Variants in WBP1L observed in about 807,000 individuals in gnomAD.
WBP1L encodes WW domain binding protein 1-like.
WBP1L carries 17 observed loss-of-function variants against 33.7 expected under a neutral mutation model. That is an observed-to-expected ratio of 0.50 (90% confidence interval 0.34 to 0.76). The LOEUF is 0.76. Among genes scored for constraint, WBP1L ranks in the 30% least tolerant of loss-of-function variants. The probability of loss-of-function intolerance (pLI) is 0.01; values close to 1 mark genes in which losing one functional copy is unlikely to be tolerated. For synonymous variants in WBP1L, 173 were observed against 190.8 expected (o/e 0.91, Z 0.77); for missense variants, 389 against 469.4 (o/e 0.83, Z 1.58).
rs185911253 is a variant in WBP1L at position 102,772,544 on chromosome 10, A to G, written c.91-25449A>G. Among the ~76,000 whole-genome samples, 369 of 129,340 alleles carry G rather than the reference A, an allele frequency of 2.9e-3. 7 individuals are homozygous for G. The highest frequency in any genetic ancestry group is 0.01 in the African/African-American group (354 of 34,014). The allele number at this position is 129,340 out of a possible 152,430, so 84.9% of individuals were successfully genotyped here. A position where few individuals can be genotyped will look rare whatever the true frequency, so the allele number is the denominator to read the frequency against. ...CCAAAGTGCTGGGATTACAAGCATG[A>G]GCCATGCCCGGCCCTTTTTTTTTTT... is the stretch of plus-strand genomic sequence containing the variant. On this transcript the variant is annotated intron_variant, in intron 1 of 3. Transcript: ENST00000448841.
chr10:102,767,405 C>G (rs1174803030), intron 1 of WBP1L, among the ~76,000 whole-genome samples: 1 of 152,100 alleles, frequency 6.6e-6, no homozygotes, highest in African/African-American at 2.4e-5. Flanking sequence ...GCCTGTAGTC[C>G]CAGTTACTCA....
At chr10:102,781,969 G>A (rs933852433) in intron 1 of WBP1L, among the ~76,000 whole-genome samples, 2 of 152,066 alleles carry the variant, frequency 1.3e-5, no homozygotes, top group Admixed American at 6.5e-5. Context: ...TGCCTCCCAG[G>A]TTCAAGGAAT....
At chr10:102,788,025 G>C (rs1008147481) in intron 1 of WBP1L, among the ~76,000 whole-genome samples, 1 of 150,200 alleles carries the variant, frequency 6.7e-6, no homozygotes, top group Non-Finnish European at 1.5e-5. Flanking sequence ...GTTGCAGTGA[G>C]CCGAGATCGT....
In WBP1L at chr10:102,792,288, C is replaced by T. The variant is rs540419757; in HGVS notation, c.91-5705C>T. On this transcript the variant is annotated intron_variant, in intron 1 of 3. Coordinates refer to ENST00000448841, the MANE Select transcript of WBP1L (RefSeq NM_001083913.2). The stretch of plus-strand genomic sequence containing the variant: ...CCACGGTCATTCCCGAGGTGAAAGG[C>T]CTCGCGTAAGCGCATTCATTATGCA... Among the ~76,000 whole-genome samples, 75 of 152,338 alleles carry T rather than the reference C, an allele frequency of 4.9e-4. No homozygotes were observed. The Middle Eastern group carries it at 0.014, about 28-fold the overall frequency.
intron 1 of WBP1L, among the ~76,000 whole-genome samples, chr10:102,781,590 C>T (rs1266836582): frequency 6.6e-6 from 1 of 152,076 alleles, no homozygotes; most frequent in Non-Finnish European, 1.5e-5. Context: ...CAGCAGAGGA[C>T]CGAATGTTGA....
At chr10:102,785,652 G>A (rs1843404996) in intron 1 of WBP1L, among the ~76,000 whole-genome samples, 2 of 152,200 alleles carry the variant, frequency 1.3e-5, no homozygotes, top group African/African-American at 4.8e-5. Flanking sequence ...GGCACCAACT[G>A]TGAGTGGATG....
At chr10:102,777,086 G>A (rs1843274913) in intron 1 of WBP1L, among the ~76,000 whole-genome samples, 2 of 152,146 alleles carry the variant, frequency 1.3e-5, no homozygotes, top group South Asian at 2.1e-4. Flanking sequence ...AAAGCAGTGT[G>A]GAATGAGAGA....
Position 102,809,990 on chromosome 10 carries a change from A to G in WBP1L, c.291A>G (p.Gln97=). 1 of 1,614,082 alleles carries G rather than the reference A, an allele frequency of 6.2e-7. No individual in the cohort carries two copies. The highest frequency in any genetic ancestry group is 8.5e-7 in the Non-Finnish European group (1 of 1,180,034). Residue 97 remains glutamine, a synonymous_variant, in exon 3 of 4, where the codon CAA becomes CAG. Transcript: ENST00000448841. ...ACCGCCTTCAGGCCCAGCAGCGGCA[A>G]CATGAAATCAACCTGATCGCTTACC... The part of the protein sequence containing the change: ...AKHRLQAQQR[Q]HEINLIAYRE...
chr10:102,810,357 C>A (rs1268542265), intron 3 of WBP1L, among the ~76,000 whole-genome samples: 1 of 131,436 alleles, frequency 7.6e-6, no homozygotes, highest in Non-Finnish European at 1.6e-5. Context: ...CTAACTTCCT[C>A]CCTTCCTCCC....
At chr10:102,769,214 G>A (rs533259977) in intron 1 of WBP1L, among the ~76,000 whole-genome samples, 25 of 152,250 alleles carry the variant, frequency 1.6e-4, no homozygotes, top group African/African-American at 5.3e-4. Context: ...TGAAATCCTG[G>A]CCTCAAGTGA....
intron 1 of WBP1L, among the ~76,000 whole-genome samples, chr10:102,760,793 A>G (rs1219483932): frequency 6.6e-6 from 1 of 152,182 alleles, no homozygotes; most frequent in African/African-American, 2.4e-5. Flanking sequence ...CTTAGTGCAT[A>G]TGCTTACAGT....
chr10:102,786,981 A>C (rs773157962), intron 1 of WBP1L, among the ~76,000 whole-genome samples: 2 of 152,190 alleles, frequency 1.3e-5, no homozygotes, highest in African/African-American at 2.4e-5. Context: ...AAACCACACT[A>C]TCAGATCTGA....
Position 102,812,734 on chromosome 10 carries a change from C to T in WBP1L, c.495C>T (p.Pro165=). 1 of 1,613,972 alleles carries T rather than the reference C, an allele frequency of 6.2e-7. No individual in the cohort carries two copies. Residue 165 remains proline, a synonymous_variant, in exon 4 of 4, where the codon CCC becomes CCT. Transcript: ENST00000448841. The part of the protein sequence containing the change: ...PPQCGPAGGS[P]PGIDPTRGSQ... Reference sequence around the variant, plus strand: ...AGTGTGGCCCTGCAGGTGGCAGTCCCCCGGGCATCGATCCCACCAGGGGAT... The same window carrying T: ...AGTGTGGCCCTGCAGGTGGCAGTCCTCCGGGCATCGATCCCACCAGGGGAT...
At chr10:102,786,856 C>G (rs1843422570) in intron 1 of WBP1L, among the ~76,000 whole-genome samples, 1 of 152,200 alleles carries the variant, frequency 6.6e-6, no homozygotes, top group Non-Finnish European at 1.5e-5. Flanking sequence ...GCTTTTCTTA[C>G]ATTGGTCACA....
At chr10:102,751,904 T>G (rs1317163427) in intron 1 of WBP1L, among the ~76,000 whole-genome samples, 2 of 152,206 alleles carry the variant, frequency 1.3e-5, no homozygotes, top group East Asian at 1.9e-4. Context: ...TTGGAATATA[T>G]TCAATGATTA....
chr10:102,769,535 A>G (rs1374625139), intron 1 of WBP1L, among the ~76,000 whole-genome samples: 2 of 152,154 alleles, frequency 1.3e-5, no homozygotes, highest in Non-Finnish European at 2.9e-5. Flanking sequence ...ATCCAACAGT[A>G]CATCTTTGTT....
chr10:102,754,609 G>C (rs2134027203), intron 1 of WBP1L, among the ~76,000 whole-genome samples: 1 of 152,178 alleles, frequency 6.6e-6, no homozygotes, highest in African/African-American at 2.4e-5. Context: ...TGTTGGCCAG[G>C]CTGGTCTCGA....
chr10:102,793,484 A>G (rs567009106), intron 1 of WBP1L, among the ~76,000 whole-genome samples: 1 of 152,284 alleles, frequency 6.6e-6, no homozygotes, highest in Admixed American at 6.5e-5. Context: ...GATAATCATA[A>G]AGGGTGCTGA....
intron 1 of WBP1L, among the ~76,000 whole-genome samples, chr10:102,754,525 A>T (rs1300235426): frequency 6.6e-6 from 1 of 151,898 alleles, no homozygotes; most frequent in Non-Finnish European, 1.5e-5. Context: ...CAGCCTCCCG[A>T]GTGGCTGGGA....
Sources: gnomAD v4.1 joint callset for allele counts (sites outside exome capture counted in the v4.1 genomes callset) on GRCh38, gnomAD v4.1.1 for gene constraint, MANE v1.5 for transcripts, NCBI Gene and HGNC (gene_info 2026-07-23, HGNC 2026-07-21) for gene names.